SLC35F2: variants seen among roughly 807,000 people sequenced by gnomAD.
SLC35F2 encodes solute carrier family 35 member F2.
A neutral mutation model predicts 38.1 loss-of-function variants in SLC35F2; 25 were observed. The observed-to-expected ratio is 0.66, with a 90% CI of 0.48 to 0.92. The LOEUF (loss-of-function observed/expected upper bound fraction) is 0.92. Among genes scored for constraint, SLC35F2 ranks in the 40% least tolerant of loss-of-function variants. The pLI is 0.00. For synonymous variants in SLC35F2, 173 were observed against 181.7 expected (o/e 0.95, Z 0.38); for missense variants, 409 against 452.9 (o/e 0.90, Z 0.88).
At chr11:107,847,953 A>C (rs1356786326) in intron 1 of SLC35F2, among the ~76,000 whole-genome samples, 2 of 152,230 alleles carry the variant, frequency 1.3e-5, no homozygotes, top group Admixed American at 1.3e-4. Flanking sequence ...GAACTCTCAC[A>C]AAATGACAAG....
chr11:107,841,239 A>G (rs918332113), intron 1 of SLC35F2, among the ~76,000 whole-genome samples: 1 of 152,182 alleles, frequency 6.6e-6, no homozygotes, highest in Non-Finnish European at 1.5e-5. Context: ...AAAGGTGGGT[A>G]TTTCACAGAA....
chr11:107,842,257 C>T (rs868474678), intron 1 of SLC35F2, among the ~76,000 whole-genome samples: 1 of 37,908 alleles, frequency 2.6e-5, no homozygotes, highest in Non-Finnish European at 4.2e-5. Flanking sequence ...CTCCGTCTCA[C>T]AAAAAAAAAA....
chr11:107,838,346 T>TG (rs1451942165), intron 1 of SLC35F2, among the ~76,000 whole-genome samples: 1 of 152,198 alleles, frequency 6.6e-6, no homozygotes, highest in Non-Finnish European at 1.5e-5. Context: ...TCTTTTGAGA[T>TG]GGAGTTTTGC....
chr11:107,800,063 T>C (rs1049373133), intron 7 of SLC35F2, among the ~76,000 whole-genome samples: 2 of 149,648 alleles, frequency 1.3e-5, no homozygotes, highest in Non-Finnish European at 3.0e-5. Flanking sequence ...TAATTTTTTG[T>C]ATTTTTAGTA....
rs188902335 is a variant in SLC35F2 at position 107,839,865 on chromosome 11, C to G, written c.110+18793G>C. 2.7e-4 allele frequency among the ~76,000 whole-genome samples: 41 copies of G among 152,298 alleles called. 1 individual carries two copies. Among genetic ancestry groups the G allele is most frequent in the Non-Finnish European group, 3.5e-4 (24 of 68,030 alleles). On this transcript the variant is annotated intron_variant, in intron 1 of 7. Coordinates refer to ENST00000525815, the MANE Select transcript of SLC35F2 (RefSeq NM_017515.5). ...ATGGGGTTTCTGCATGTTAGTCAGG[C>G]TGGTCTCAAACTCCCCACCTCAGGT...
chr11:107,797,333 A>AGAAAAGGT (rs757219867), intron 7 of SLC35F2, among the ~76,000 whole-genome samples: 5,077 of 152,062 alleles, frequency 0.033, 117 homozygotes, highest in African/African-American at 0.064. Flanking sequence ...AGGGAAAAGG[A>AGAAAAGGT]AGAGAAAGAA....
intron 1 of SLC35F2, among the ~76,000 whole-genome samples, chr11:107,828,828 C>G (rs548557948): frequency 6.6e-6 from 1 of 152,098 alleles, no homozygotes; most frequent in Non-Finnish European, 1.5e-5. Flanking sequence ...TAATCCCGGC[C>G]GGGCGCAGTG....
chr11:107,858,572 G>A, intron 1 of SLC35F2, 86 bp downstream of exon 1: 1 of 1,178,474 alleles, frequency 8.5e-7, no homozygotes, highest in South Asian at 4.4e-5. Flanking sequence ...GGGGGCCTCA[G>A]AGAGTGTGCT....
chr11:107,810,605 T>C (rs1591190422), intron 3 of SLC35F2: 1 of 985,396 alleles, frequency 1.0e-6, no homozygotes, highest in Non-Finnish European at 1.2e-6. Context: ...TTTAGGTTCT[T>C]TTTGTGCCTC....
At chr11:107,793,575 TCAATGAAATTC>T (rs1434276469) in intron 7 of SLC35F2, among the ~76,000 whole-genome samples, 2 of 152,160 alleles carry the variant, frequency 1.3e-5, no homozygotes, top group African/African-American at 4.8e-5. Flanking sequence ...TGTGTGCTAT[TCAATGAAATTC>T]ATTTTGCTAA....
intron 7 of SLC35F2, 151 bp downstream of exon 7, chr11:107,802,850 A>T: frequency 1.4e-6 from 1 of 712,552 alleles, no homozygotes; most frequent in Non-Finnish European, 2.3e-6. Flanking sequence ...CCCATTTTGT[A>T]ATTCAGAAGC....
At chr11:107,857,182 C>T (rs1406752355) in intron 1 of SLC35F2, among the ~76,000 whole-genome samples, 1 of 126,374 alleles carries the variant, frequency 7.9e-6, no homozygotes, top group African/African-American at 3.1e-5. Flanking sequence ...AGTGACTTGT[C>T]CAAGACGGAC....
At chr11:107,837,021 T>C (rs1007289781) in intron 1 of SLC35F2, among the ~76,000 whole-genome samples, 5 of 152,210 alleles carry the variant, frequency 3.3e-5, no homozygotes, top group Non-Finnish European at 5.9e-5. Flanking sequence ...CTTTCATCGT[T>C]TGCCAGGGAG....
At chr11:107,805,945 C>T (rs970314237) in intron 4 of SLC35F2, among the ~76,000 whole-genome samples, 1 of 152,150 alleles carries the variant, frequency 6.6e-6, no homozygotes, top group Non-Finnish European at 1.5e-5. Context: ...TGTGCCTGGC[C>T]TAATTTTTGT....
intron 2 of SLC35F2, 89 bp downstream of exon 2, chr11:107,815,701 A>T: frequency 7.1e-7 from 1 of 1,410,192 alleles, no homozygotes; most frequent in Non-Finnish European, 9.6e-7. Context: ...TCCAGTCACT[A>T]CTTTCACAGA....
At chr11:107,857,025 A>AAGGAAGGAAGGC (rs1860300697) in intron 1 of SLC35F2, among the ~76,000 whole-genome samples, 1 of 147,292 alleles carries the variant, frequency 6.8e-6, no homozygotes, top group African/African-American at 2.5e-5. Context: ...CTTGTCCAGG[A>AAGGAAGGAAGGC]AGGAAGGAAG....
At chr11:107,814,677 A>G (rs1036669577) in intron 2 of SLC35F2, among the ~76,000 whole-genome samples, 2 of 152,126 alleles carry the variant, frequency 1.3e-5, no homozygotes, top group African/African-American at 4.8e-5. Context: ...ATAACAATGT[A>G]TCTGGCTGGG....
chr11:107,855,187 C>T (rs933294987), intron 1 of SLC35F2, among the ~76,000 whole-genome samples: 2 of 152,062 alleles, frequency 1.3e-5, no homozygotes, highest in South Asian at 2.1e-4. Context: ...AAGCTCAGCC[C>T]AAGACCCTTG....
In SLC35F2 at chr11:107,806,738, C is replaced by A. The variant is rs1435497127; in HGVS notation, c.553G>T (p.Ala185Ser). 1 of 1,613,930 alleles carries A rather than the reference C, an allele frequency of 6.2e-7. No homozygotes were observed. Among genetic ancestry groups the A allele is most frequent in the Non-Finnish European group, 8.5e-7 (1 of 1,179,944 alleles). ...TCACCTGAATTGTCTTCCCTCCCTGCTAGTATGTCTGCACCAACCATGGTT... is the reference window on the plus strand; with the variant it reads ...TCACCTGAATTGTCTTCCCTCCCTGATAGTATGTCTGCACCAACCATGGTT... ...VGTMVGADIL[A>S]GREDNSGSDV... The change falls in exon 4 of 8, where the codon GCA (alanine) becomes TCA (serine). Residue 185 changes from alanine (A) to serine (S), a missense_variant. Ala to Ser is a moderately conservative substitution (Grantham distance 99, BLOSUM62 1). Transcript: ENST00000525815.
Sources: allele counts gnomAD v4.1 joint callset (sites outside exome capture counted in the v4.1 genomes callset), GRCh38; gene constraint gnomAD v4.1.1; transcripts MANE v1.5; gene names NCBI Gene and HGNC (gene_info 2026-07-23, HGNC 2026-07-21).